Variants in PDZD2 observed in about 807,000 individuals in gnomAD.
PDZD2 encodes PDZ domain containing 2, also known as PDZ domain-containing protein 2.
A neutral mutation model predicts 220.7 loss-of-function variants in PDZD2; 90 were observed. The observed-to-expected ratio is 0.41, with a 90% CI of 0.34 to 0.49. PDZD2 has a LOEUF of 0.49. Among genes scored for constraint, PDZD2 ranks in the 20% least tolerant of loss-of-function variants. The probability of loss-of-function intolerance (pLI) is 0.28; values close to 1 mark genes in which losing one functional copy is unlikely to be tolerated. For synonymous variants in PDZD2, 1,375 were observed against 1,450.5 expected, an observed-to-expected ratio of 0.95 and a Z score of 1.18; for missense variants, 3,174 against 3,608.5, an observed-to-expected ratio of 0.88 and a Z score of 3.08.
chr5:31,689,722 G>A (rs1747044716), intron 1 of PDZD2, among the ~76,000 whole-genome samples: 1 of 151,938 alleles, frequency 6.6e-6, no homozygotes, highest in Non-Finnish European at 1.5e-5. Context: ...TCCCAAAGAG[G>A]GTTCAAGACT....
At chr5:31,941,668 C>T (rs952607083) in intron 2 of PDZD2, among the ~76,000 whole-genome samples, 1 of 152,152 alleles carries the variant, frequency 6.6e-6, no homozygotes. Context: ...ATTGGGGTCC[C>T]ACTGGCCCAT....
At chr5:31,660,300 A>G (rs1745709601) in intron 1 of PDZD2, among the ~76,000 whole-genome samples, 1 of 152,174 alleles carries the variant, frequency 6.6e-6, no homozygotes, top group Non-Finnish European at 1.5e-5. Flanking sequence ...CTCCATTTCT[A>G]TGGATACTTT....
In PDZD2 at chr5:31,866,288, C is replaced by T. The variant is rs58921970; in HGVS notation, c.476+66564C>T. On this transcript the variant is annotated intron_variant, in intron 2 of 24. Transcript: ENST00000438447. ...TGTTGGGATTACAGGCATGAGCCAC[C>T]GCACCCAGCCTCAGGATGGCAACTC... Among the ~76,000 whole-genome samples, 1,162 of 152,234 alleles carry T rather than the reference C, an allele frequency of 7.6e-3. 13 individuals are homozygous for T. The highest frequency in any genetic ancestry group is 0.026 in the African/African-American group (1,092 of 41,540).
intron 2 of PDZD2, among the ~76,000 whole-genome samples, chr5:31,968,817 C>T (rs1311548235): frequency 1.3e-5 from 2 of 151,966 alleles, no homozygotes; most frequent in African/African-American, 2.4e-5. Flanking sequence ...TTTCAGCCTC[C>T]GGAACTGTGA....
chr5:31,689,351 A>ATTTT (rs1288275783), intron 1 of PDZD2, among the ~76,000 whole-genome samples: 4 of 28,184 alleles, frequency 1.4e-4, no homozygotes, highest in African/African-American at 1.2e-3. Flanking sequence ...ATATATATAT[A>ATTTT]TATTTTTTTT....
intron 1 of PDZD2, among the ~76,000 whole-genome samples, chr5:31,724,009 A>C (rs1330515208): frequency 1.3e-5 from 2 of 152,176 alleles, no homozygotes; most frequent in African/African-American, 4.8e-5. Flanking sequence ...GCACAGGCCA[A>C]GTGCTGTAAA....
At chr5:31,950,606 C>T (rs1332525155) in intron 2 of PDZD2, among the ~76,000 whole-genome samples, 1 of 152,160 alleles carries the variant, frequency 6.6e-6, no homozygotes, top group African/African-American at 2.4e-5. Context: ...GTTACATTCA[C>T]AGTACAAAAT....
chr5:31,898,579 G>A (rs916267496), intron 2 of PDZD2, among the ~76,000 whole-genome samples: 1 of 152,174 alleles, frequency 6.6e-6, no homozygotes, highest in Non-Finnish European at 1.5e-5. Context: ...CCTTAGAGGC[G>A]CAGTACCACT....
chr5:31,643,484 T>G (rs1225648199), intron 1 of PDZD2, among the ~76,000 whole-genome samples: 2 of 152,186 alleles, frequency 1.3e-5, no homozygotes, highest in Non-Finnish European at 2.9e-5. Context: ...AAGGGCATCA[T>G]GCACTCACAC....
chr5:31,670,717 G>C (rs546373733), intron 1 of PDZD2, among the ~76,000 whole-genome samples: 1 of 152,072 alleles, frequency 6.6e-6, no homozygotes, highest in Non-Finnish European at 1.5e-5. Context: ...CACCGCGCCC[G>C]GCCAGTTTGC....
chr5:31,639,456 T>G lies in PDZD2; in HGVS notation c.-361+19T>G, dbSNP rs1018155103. 87 of 151,660 alleles carry G rather than the reference T, an allele frequency of 5.7e-4. No homozygotes were observed. The highest frequency in any genetic ancestry group is 2.1e-3 in the African/African-American group (85 of 41,436). 9.4% of individuals were successfully genotyped at this position (151,660 alleles called of 1,614,324 possible). ...CGAGCAGGTGAAGCGACCGTCCCGCTGCAGCCGGGACGCGCGGCTCCGGGT... is the reference window on the plus strand; with the variant it reads ...CGAGCAGGTGAAGCGACCGTCCCGCGGCAGCCGGGACGCGCGGCTCCGGGT... On this transcript the variant is annotated intron_variant, in intron 1 of 24. Transcript: ENST00000438447. This position sits in a 1 kb window ranked among gnomAD's most constrained non-coding sequence, Gnocchi z 4.1.
At chr5:31,752,206 G>A (rs1400088706) in intron 1 of PDZD2, among the ~76,000 whole-genome samples, 1 of 151,190 alleles carries the variant, frequency 6.6e-6, no homozygotes, top group African/African-American at 2.4e-5. Context: ...AACCTCCCAA[G>A]TAGCCAGGAG....
intron 2 of PDZD2, among the ~76,000 whole-genome samples, chr5:31,905,433 T>A (rs1449427163): frequency 6.6e-6 from 1 of 152,240 alleles, no homozygotes; most frequent in Non-Finnish European, 1.5e-5. Context: ...AACCTGAGGA[T>A]GCTGGGGTTG....
At chr5:32,050,045 C>T (rs943514750) in intron 8 of PDZD2, among the ~76,000 whole-genome samples, 2 of 152,188 alleles carry the variant, frequency 1.3e-5, no homozygotes, top group African/African-American at 4.8e-5. Context: ...GCAGTTCTGC[C>T]TCAGCCTCTC....
rs975977915 is a variant in PDZD2 at position 31,658,458 on chromosome 5, G to A, written c.-361+19021G>A. On this transcript the variant is annotated intron_variant, in intron 1 of 24. Coordinates refer to ENST00000438447, the MANE Select transcript of PDZD2 (RefSeq NM_178140.4). ...GCGTGTCTCCTCTCTTGCCTGTAAC[G>A]ATCATATTTGATCAGTATACTTTCT... 3.9e-5 allele frequency among the ~76,000 whole-genome samples: 6 copies of A among 152,030 alleles called. No homozygotes were observed. In the East Asian group the frequency reaches 7.7e-4, roughly 20 times the overall value.
chr5:31,888,968 C>A (rs1029011202), intron 2 of PDZD2, among the ~76,000 whole-genome samples: 7 of 152,106 alleles, frequency 4.6e-5, no homozygotes, highest in African/African-American at 1.7e-4. Context: ...GACCAACCTC[C>A]GTCGGCTTCA....
At chr5:31,777,328 G>GC (rs1752730029) in intron 1 of PDZD2, among the ~76,000 whole-genome samples, 1 of 152,196 alleles carries the variant, frequency 6.6e-6, no homozygotes, top group South Asian at 2.1e-4. Context: ...CCAGGCCTCA[G>GC]CCGCCTCCCT....
At chr5:31,992,848 G>T (rs1207554131) in intron 3 of PDZD2, among the ~76,000 whole-genome samples, 3 of 137,892 alleles carry the variant, frequency 2.2e-5, no homozygotes, top group African/African-American at 8.0e-5. Flanking sequence ...CTTCTCTCAA[G>T]TGTGCCTCTT....
intron 1 of PDZD2, among the ~76,000 whole-genome samples, chr5:31,712,961 G>T (rs2150140592): frequency 6.6e-6 from 1 of 152,286 alleles, no homozygotes; most frequent in African/African-American, 2.4e-5. Context: ...TTTGTTCCTT[G>T]CATTCTGTAG....
Sources: allele counts gnomAD v4.1 joint callset (sites outside exome capture counted in the v4.1 genomes callset), GRCh38; gene constraint gnomAD v4.1.1; non-coding constraint Gnocchi (gnomAD v3.1); transcripts MANE v1.5; gene names NCBI Gene and HGNC (gene_info 2026-07-23, HGNC 2026-07-21).